The following CHRM3 variants were observed in gnomAD, a reference collection of about 807,000 sequenced individuals.
CHRM3 encodes muscarinic acetylcholine receptor M3.
A neutral mutation model predicts 41.8 loss-of-function variants in CHRM3; 11 were observed. The ratio of observed to expected loss-of-function variants is 0.26; its 90% CI spans 0.17 to 0.44. The LOEUF is 0.44. Ranked by LOEUF, CHRM3 falls within the 20% of genes least tolerant of loss-of-function variation. CHRM3 has a pLI of 1.00. For missense variants in CHRM3, 571 were observed against 745.4 expected (o/e 0.77, Z 2.72); for synonymous variants, 297 against 301.4 (o/e 0.99, Z 0.15).
At chr1:239,467,678 A>G (rs1043720442) in intron 1 of CHRM3, among the ~76,000 whole-genome samples, 1 of 152,168 alleles carries the variant, frequency 6.6e-6, no homozygotes, top group Non-Finnish European at 1.5e-5. Flanking sequence ...GACATATTCT[A>G]TAAGCTTACC....
At chr1:239,407,482 G>A (rs1362986561) in intron 1 of CHRM3, among the ~76,000 whole-genome samples, 1 of 150,776 alleles carries the variant, frequency 6.6e-6, no homozygotes, top group African/African-American at 2.4e-5. Context: ...TGTCTCAGGA[G>A]GGTGGGCTCT....
chr1:239,643,302 C>G (rs1671399209), intron 4 of CHRM3, among the ~76,000 whole-genome samples: 1 of 152,210 alleles, frequency 6.6e-6, no homozygotes, highest in African/African-American at 2.4e-5. Context: ...TCAAAGCTGT[C>G]AGACAGGGAC....
At chr1:239,902,359 G>A (rs1184984298) in intron 6 of CHRM3, among the ~76,000 whole-genome samples, 1 of 152,076 alleles carries the variant, frequency 6.6e-6, no homozygotes, top group Non-Finnish European at 1.5e-5. Flanking sequence ...CAAGTAATTT[G>A]GTAAGTTTAT....
chr1:239,506,389 C>T (rs538836229), intron 2 of CHRM3, among the ~76,000 whole-genome samples: 4 of 152,244 alleles, frequency 2.6e-5, no homozygotes, highest in Admixed American at 2.6e-4. Context: ...GCTAAAAGAG[C>T]CAAGATACAG....
At chr1:239,873,001 T>TCA (rs1676724608) in intron 6 of CHRM3, among the ~76,000 whole-genome samples, 1 of 152,150 alleles carries the variant, frequency 6.6e-6, no homozygotes, top group African/African-American at 2.4e-5. Flanking sequence ...CTCTCGAGTG[T>TCA]ACTTTTGAAA....
chr1:239,806,303 A>T (rs1041496338), intron 5 of CHRM3, among the ~76,000 whole-genome samples: 3 of 152,110 alleles, frequency 2.0e-5, no homozygotes, highest in Non-Finnish European at 2.9e-5. Context: ...GGTGTTAAGC[A>T]GACCTGCAGT....
chr1:239,642,944 G>T (rs1414995699), intron 4 of CHRM3, among the ~76,000 whole-genome samples: 3 of 152,120 alleles, frequency 2.0e-5, no homozygotes, highest in Admixed American at 6.5e-5. Flanking sequence ...TGGGTTTTTG[G>T]TGTGGATGTC....
chr1:239,908,205 T>C lies in CHRM3; in HGVS notation c.754T>C (p.Trp252Arg). The C allele has an allele frequency of 6.2e-7, 1 of 1,614,162 alleles. No individual in the cohort carries two copies. The highest frequency in any genetic ancestry group is 8.5e-7 in the Non-Finnish European group (1 of 1,180,030). ...TGTCACCATTATGACTATTTTATAC[T>C]GGAGGATCTATAAGGAAACTGAAAA... ...MPVTIMTILY[W>R]RIYKETEKRT... is the part of the protein sequence containing the mutation. The change falls in exon 7 of 7, where the codon TGG becomes CGG. Residue 252 changes from tryptophan (W) to arginine (R), a missense_variant. Around this residue, in one of 5 missense-constraint regions of CHRM3, gnomAD observed 153 missense variants for 296.3 expected, o/e 0.52. Coordinates refer to ENST00000676153, the MANE Select transcript of CHRM3 (RefSeq NM_001375978.1). The surrounding 1 kb of genome is among the most constrained non-coding windows in gnomAD (Gnocchi z 7.2).
chr1:239,911,794 ACTGATT>A lies in CHRM3; in HGVS notation c.*2571_*2576del, dbSNP rs1388411437. The A allele has an allele frequency of 6.0e-6, 1 of 166,914 alleles. No homozygotes were observed. Among genetic ancestry groups the A allele is most frequent in the Non-Finnish European group, 1.5e-5 (1 of 68,122 alleles). 10.3% of individuals were successfully genotyped at this position (166,914 alleles called of 1,614,324 possible). A position where few individuals can be genotyped will look rare whatever the true frequency, so the allele number is the denominator to read the frequency against. On this transcript the variant is annotated 3_prime_UTR_variant, in exon 7 of 7. Transcript: ENST00000676153. ...TGAAAGCTGCATTTAAATACTATCT[ACTGATT>A]TTATAGAAAGGTATGTCCATTTCTT...
intron 6 of CHRM3, among the ~76,000 whole-genome samples, chr1:239,832,077 C>A (rs960348115): frequency 6.6e-6 from 1 of 152,030 alleles, no homozygotes; most frequent in African/African-American, 2.4e-5. Flanking sequence ...TGCTTGTGGT[C>A]GAGGACAGAA....
rs1680508980 is a variant in CHRM3, at chr1:239,913,992, G to A, written c.*4768G>A. ...AGACCACCCCAAAAAATCATCTAGA[G>A]AATCAAAGGGGCTCACATCTCAGTT... On this transcript the variant is annotated 3_prime_UTR_variant, in exon 7 of 7. Coordinates refer to ENST00000676153, the MANE Select transcript of CHRM3 (RefSeq NM_001375978.1). 6.0e-6 allele frequency: 1 copy of A among 166,834 alleles called. No homozygotes were observed. Among genetic ancestry groups the A allele is most frequent in the South Asian group, 2.1e-4 (1 of 4,814 alleles). The allele number at this position is 166,834 out of a possible 1,614,324, so 10.3% of individuals were successfully genotyped here. A position where few individuals can be genotyped will look rare whatever the true frequency, so the allele number is the denominator to read the frequency against.
In CHRM3 at chr1:239,518,166, G is replaced by C. The variant is rs117849710; in HGVS notation, c.-422+25359G>C. On this transcript the variant is annotated intron_variant, in intron 2 of 6. Coordinates refer to ENST00000676153, the MANE Select transcript of CHRM3 (RefSeq NM_001375978.1). ...CATTTCCACACGTTTTAATTTAATT[G>C]CTTTTTAAAGAGCACGAGGAAAGAC... 2.0e-5 allele frequency among the ~76,000 whole-genome samples: 3 copies of C among 152,226 alleles called. No individual in the cohort carries two copies. In the East Asian group the frequency reaches 5.8e-4, roughly 29 times the overall value.
chr1:239,685,735 T>C (rs1659072735), intron 5 of CHRM3, among the ~76,000 whole-genome samples: 1 of 152,088 alleles, frequency 6.6e-6, no homozygotes, highest in South Asian at 2.1e-4. Context: ...GGCAGGAGAA[T>C]TGCTTAAACC....
At chr1:239,666,304 C>A (rs1372748715) in intron 4 of CHRM3, among the ~76,000 whole-genome samples, 1 of 151,870 alleles carries the variant, frequency 6.6e-6, no homozygotes, top group African/African-American at 2.4e-5. Context: ...AAGCTATTCT[C>A]CTGACTCAGC....
intron 4 of CHRM3, among the ~76,000 whole-genome samples, chr1:239,668,899 C>T (rs1253279192): frequency 6.6e-6 from 1 of 152,164 alleles, no homozygotes; most frequent in South Asian, 2.1e-4. Flanking sequence ...AGGAGAAATG[C>T]CATATTCCAC....
At chr1:239,649,740 G>A (rs1451027142) in intron 4 of CHRM3, among the ~76,000 whole-genome samples, 3 of 152,116 alleles carry the variant, frequency 2.0e-5, no homozygotes, top group African/African-American at 7.2e-5. Context: ...TGCGAGAGAA[G>A]GATAGTGGGG....
chr1:239,601,277 G>A (rs1665503935), intron 3 of CHRM3, among the ~76,000 whole-genome samples: 1 of 152,232 alleles, frequency 6.6e-6, no homozygotes, highest in South Asian at 2.1e-4. Context: ...CAGAATGTGA[G>A]TGATGGTGAT....
At chr1:239,832,733 T>G (rs1267334682) in intron 6 of CHRM3, among the ~76,000 whole-genome samples, 1 of 152,028 alleles carries the variant, frequency 6.6e-6, no homozygotes, top group East Asian at 1.9e-4. Context: ...AAAAAGATCA[T>G]GGGGACATAT....
intron 1 of CHRM3, among the ~76,000 whole-genome samples, chr1:239,397,142 TGAA>T (rs1659553052): frequency 1.3e-5 from 2 of 152,082 alleles, no homozygotes; most frequent in African/African-American, 4.8e-5. Flanking sequence ...GAACTGCGGG[TGAA>T]GTAGTAATCA....
Sources: allele counts gnomAD v4.1 joint callset (sites outside exome capture counted in the v4.1 genomes callset), GRCh38; gene constraint gnomAD v4.1.1; regional missense constraint gnomAD v4.1.1; non-coding constraint Gnocchi (gnomAD v3.1); transcripts MANE v1.5; gene names NCBI Gene and HGNC (gene_info 2026-07-23, HGNC 2026-07-21).